ALDH9A1: variants seen among roughly 807,000 people sequenced by gnomAD.
ALDH9A1 encodes 4-trimethylaminobutyraldehyde dehydrogenase.
A neutral mutation model predicts 56.6 loss-of-function variants in ALDH9A1; 42 were observed. That is an observed-to-expected ratio of 0.74 (90% CI 0.58 to 0.96). ALDH9A1 has a LOEUF of 0.96. ALDH9A1 is among the 40% of genes least tolerant of loss of function. The probability of loss-of-function intolerance (pLI) is 0.00; values close to 1 mark genes in which losing one functional copy is unlikely to be tolerated. For missense variants in ALDH9A1, 661 were observed against 651.5 expected, an observed-to-expected ratio of 1.01 and a Z score of -0.16; for synonymous variants, 242 against 236.0, an observed-to-expected ratio of 1.03 and a Z score of -0.23.
At chr1:165,687,750 A>G (rs538997549) in intron 2 of ALDH9A1, among the ~76,000 whole-genome samples, 15 of 152,090 alleles carry the variant, frequency 9.9e-5, no homozygotes, top group Non-Finnish European at 1.9e-4. Flanking sequence ...CACTTTGGGA[A>G]GCCGAGGTGG....
intron 6 of ALDH9A1, among the ~76,000 whole-genome samples, chr1:165,673,156 A>G (rs565130109): frequency 2.6e-5 from 4 of 152,078 alleles, no homozygotes; most frequent in South Asian, 2.1e-4. Context: ...CTGGATAGAC[A>G]TATTTCCAGA....
At chr1:165,693,146 C>T (rs1335954116) in intron 2 of ALDH9A1, among the ~76,000 whole-genome samples, 6 of 152,082 alleles carry the variant, frequency 3.9e-5, no homozygotes, top group Non-Finnish European at 5.9e-5. Context: ...ATTCAGGACA[C>T]AGGCATGGGC....
rs766758279 is a variant in ALDH9A1 at position 165,669,408 on chromosome 1, G to A, written c.973C>T (p.Leu325Phe). The A allele has an allele frequency of 3.7e-6, 6 of 1,613,476 alleles. No individual in the cohort carries two copies. Among genetic ancestry groups the A allele is most frequent in the Non-Finnish European group, 5.1e-6 (6 of 1,179,786 alleles). The stretch of plus-strand genomic sequence containing the variant: ...ACCACTTCCTCTGTAAATTTATCAA[G>A]AATTTCTTTCTGCACAAATACTCTT... The part of the protein sequence containing the change: ...GTRVFVQKEI[L>F]DKFTEEVVKQ... Residue 325 changes from leucine (L) to phenylalanine (F), a missense_variant, in exon 7 of 11, where the codon CTT (leucine) becomes TTT (phenylalanine). Physicochemically the swap from Leu to Phe is conservative, Grantham distance 22. Transcript: ENST00000354775.
At chr1:165,671,657 T>A in intron 6 of ALDH9A1, 1 of 489,040 alleles carries the variant, frequency 2.0e-6, no homozygotes, top group South Asian at 1.5e-5. Flanking sequence ...TTTGGCTCGA[T>A]ATTATAAGAC....
At chr1:165,682,886 G>T in intron 3 of ALDH9A1, 95 bp downstream of exon 3, 1 of 1,416,204 alleles carries the variant, frequency 7.1e-7, no homozygotes, top group African/African-American at 1.4e-5. Flanking sequence ...CTTTCACCCA[G>T]GTTTGTCTTA....
chr1:165,695,520 G>A (rs994663206), intron 1 of ALDH9A1, 123 bp from the exon 2 acceptor site: 26 of 937,370 alleles, frequency 2.8e-5, no homozygotes, highest in Middle Eastern at 7.6e-4. Flanking sequence ...TCTTGAGATG[G>A]AGTCTTGCTC....
At chr1:165,682,811 C>T (rs1649592823) in intron 3 of ALDH9A1, 170 bp downstream of exon 3, 1 of 682,676 alleles carries the variant, frequency 1.5e-6, no homozygotes, top group African/African-American at 1.8e-5. Flanking sequence ...TTATTATCTC[C>T]AGTTTAGATT....
chr1:165,692,799 A>C (rs1376882882), intron 2 of ALDH9A1, among the ~76,000 whole-genome samples: 1 of 151,984 alleles, frequency 6.6e-6, no homozygotes, highest in African/African-American at 2.4e-5. Flanking sequence ...GCATCATGCT[A>C]CCTGACTTCA....
At position 165,667,207 on chromosome 1, in the gene ALDH9A1, A is replaced by G. The variant is rs899611016; in HGVS notation, c.1349+102T>C. On this transcript the variant is annotated intron_variant, in intron 9 of 10. Coordinates refer to ENST00000354775, the MANE Select transcript of ALDH9A1 (RefSeq NM_000696.4). ...CAAACAGAAAGTGCTGATGGCTCCTATGAGGGCAAACTAAAGTGAGAGAAT... is the reference window on the plus strand; with the variant it reads ...CAAACAGAAAGTGCTGATGGCTCCTGTGAGGGCAAACTAAAGTGAGAGAAT... 6.1e-6 allele frequency: 9 copies of G among 1,472,628 alleles called. 2 individuals are homozygous for G. The Admixed American group carries it at 1.5e-4, about 25-fold the overall frequency. 91.2% of individuals were successfully genotyped at this position (1,472,628 alleles called of 1,614,324 possible).
At chr1:165,684,201 G>A (rs1260941226) in intron 2 of ALDH9A1, among the ~76,000 whole-genome samples, 4 of 152,194 alleles carry the variant, frequency 2.6e-5, no homozygotes, top group Non-Finnish European at 4.4e-5. Context: ...AAAGTGCTTT[G>A]ACTCATTCAT....
intron 10 of ALDH9A1, among the ~76,000 whole-genome samples, chr1:165,663,756 G>A (rs1207880590): frequency 1.3e-5 from 2 of 152,206 alleles, no homozygotes; most frequent in African/African-American, 2.4e-5. Flanking sequence ...CAAGGCCGAG[G>A]TCCCAAATAT....
At chr1:165,665,791 C>A (rs140293482) in intron 9 of ALDH9A1, among the ~76,000 whole-genome samples, 11 of 152,186 alleles carry the variant, frequency 7.2e-5, no homozygotes, top group Non-Finnish European at 1.5e-4. Context: ...CAAATTAGAA[C>A]CTTCATACGT....
intron 2 of ALDH9A1, among the ~76,000 whole-genome samples, chr1:165,694,054 G>A (rs4576644): frequency 0.32 from 45,261 of 142,934 alleles, 7,588 homozygotes; most frequent in South Asian, 0.53. Flanking sequence ...ATCACACACC[G>A]GGGCCGTAGG....
At chr1:165,667,836 C>A (rs886882472) in intron 8 of ALDH9A1, among the ~76,000 whole-genome samples, 2 of 152,076 alleles carry the variant, frequency 1.3e-5, no homozygotes, top group South Asian at 4.1e-4. Context: ...ACCTTAGGGG[C>A]AAAAACCAGC....
At chr1:165,695,112 A>G (rs927393337) in intron 2 of ALDH9A1, 140 bp downstream of exon 2, 2 of 941,198 alleles carry the variant, frequency 2.1e-6, no homozygotes, top group South Asian at 2.0e-5. Context: ...TGTTTTATAT[A>G]CTAAGGTGAG....
intron 6 of ALDH9A1, among the ~76,000 whole-genome samples, chr1:165,679,209 G>GA (rs1649463498): frequency 6.6e-6 from 1 of 152,182 alleles, no homozygotes; most frequent in South Asian, 2.1e-4. Flanking sequence ...TCAAGGTTCA[G>GA]AAAAACTTAA....
intron 1 of ALDH9A1, among the ~76,000 whole-genome samples, chr1:165,697,420 A>G (rs1650125455): frequency 1.3e-5 from 2 of 152,274 alleles, no homozygotes; most frequent in Non-Finnish European, 2.9e-5. Flanking sequence ...CAAGGTATAC[A>G]TACATTACAA....
chr1:165,669,713 A>T (rs548606737), intron 6 of ALDH9A1, among the ~76,000 whole-genome samples: 1 of 152,186 alleles, frequency 6.6e-6, no homozygotes, highest in East Asian at 1.9e-4. Flanking sequence ...TTTAAAGGCC[A>T]TTACTAGATC....
chr1:165,693,639 T>C (rs943154487), intron 2 of ALDH9A1, among the ~76,000 whole-genome samples: 3 of 152,216 alleles, frequency 2.0e-5, no homozygotes, highest in African/African-American at 4.8e-5. Flanking sequence ...AGTTCAACCA[T>C]TGTGGAAGAC....
Sources: gnomAD v4.1 joint callset for allele counts (sites outside exome capture counted in the v4.1 genomes callset) on GRCh38, gnomAD v4.1.1 for gene constraint, MANE v1.5 for transcripts, NCBI Gene and HGNC (gene_info 2026-07-23, HGNC 2026-07-21) for gene names.